Variants in ERBB4 observed in about 807,000 individuals in gnomAD.
ERBB4 encodes the protein receptor tyrosine-protein kinase erbB-4.
A neutral mutation model predicts 158.0 loss-of-function variants in ERBB4; 42 were observed. The observed-to-expected ratio is 0.27, with a 90% CI of 0.21 to 0.34. ERBB4 has a LOEUF of 0.34. Ranked by LOEUF, ERBB4 falls within the 10% of genes least tolerant of loss-of-function variation. The pLI, the probability that ERBB4 is intolerant of heterozygous loss-of-function variation, is 1.00. For synonymous variants in ERBB4, 583 were observed against 558.7 expected (o/e 1.04, Z -0.61); for missense variants, 1,333 against 1,624.1 (o/e 0.82, Z 3.08).
chr2:211,919,943 C>A (rs940338204), intron 3 of ERBB4, among the ~76,000 whole-genome samples: 1 of 151,986 alleles, frequency 6.6e-6, no homozygotes, highest in Non-Finnish European at 1.5e-5. Flanking sequence ...TAAACAACCA[C>A]TAATCTTTTT....
chr2:212,275,516 A>C lies in ERBB4; in HGVS notation c.83-150613T>G, dbSNP rs112892844. Among the ~76,000 whole-genome samples the C allele has an allele frequency of 5.1e-3, 773 of 152,004 alleles. 4 individuals are homozygous for C. Among genetic ancestry groups the C allele is most frequent in the Middle Eastern group, 0.017 (5 of 294 alleles). ...TGTGGTTTTGATTTGCATTTCTCTA[A>C]TGGCCAGTGATGATGAGCGTTTTTT... On this transcript the variant is annotated intron_variant, in intron 1 of 27. Transcript: ENST00000342788.
At chr2:212,381,899 CT>C (rs1348528623) in intron 1 of ERBB4, among the ~76,000 whole-genome samples, 5 of 151,150 alleles carry the variant, frequency 3.3e-5, no homozygotes, top group African/African-American at 9.7e-5. Flanking sequence ...TGACATCATT[CT>C]TTTTTTCCCC....
chr2:211,897,977 T>A (rs2079143343), intron 3 of ERBB4, among the ~76,000 whole-genome samples: 1 of 151,998 alleles, frequency 6.6e-6, no homozygotes, highest in South Asian at 2.1e-4. Flanking sequence ...TTGTTTACAC[T>A]GGTCTTGAAC....
chr2:211,690,159 TAACTC>T (rs962283813), intron 12 of ERBB4, among the ~76,000 whole-genome samples: 15 of 151,594 alleles, frequency 9.9e-5, no homozygotes, highest in African/African-American at 3.6e-4. Flanking sequence ...TGTTCTAACT[TAACTC>T]AGTTTCTTTC....
intron 2 of ERBB4, among the ~76,000 whole-genome samples, chr2:212,033,373 A>G (rs879921915): frequency 2.0e-5 from 3 of 151,952 alleles, no homozygotes; most frequent in Non-Finnish European, 4.4e-5. Context: ...TTTGTAATGC[A>G]GCTCAAGGCA....
chr2:212,173,801 C>A (rs2081586445), intron 1 of ERBB4, among the ~76,000 whole-genome samples: 1 of 152,108 alleles, frequency 6.6e-6, no homozygotes, highest in African/African-American at 2.4e-5. Flanking sequence ...GTCGTTTGCA[C>A]ATGGACAAGT....
chr2:211,575,534 C>G (rs2067863937), intron 19 of ERBB4, among the ~76,000 whole-genome samples: 1 of 152,128 alleles, frequency 6.6e-6, no homozygotes, highest in Non-Finnish European at 1.5e-5. Flanking sequence ...TCACTTAGAG[C>G]TTTACTGTTT....
Position 211,431,661 on chromosome 2 carries a change from C to G in ERBB4, c.2488-561G>C, listed in dbSNP as rs1046782391. ...AATCATGCACAGAATGAAGTATATA[C>G]CCTAGCAGTCTTACAAACCTGTAAT... On this transcript the variant is annotated intron_variant, in intron 20 of 27. Coordinates refer to ENST00000342788, the MANE Select transcript of ERBB4 (RefSeq NM_005235.3). 4.6e-5 allele frequency among the ~76,000 whole-genome samples: 7 copies of G among 152,144 alleles called. No individual in the cohort carries two copies. In the East Asian group the frequency reaches 1.4e-3, roughly 29 times the overall value.
At chr2:211,758,348 C>A (rs924179405) in intron 4 of ERBB4, among the ~76,000 whole-genome samples, 6 of 152,086 alleles carry the variant, frequency 3.9e-5, no homozygotes, top group Non-Finnish European at 8.8e-5. Context: ...GGTCTTAATG[C>A]TTTTTGGAAA....
Position 212,396,509 on chromosome 2 carries a change from C to T in ERBB4, c.82+141940G>A, listed in dbSNP as rs532534513. On this transcript the variant is annotated intron_variant, in intron 1 of 27. Coordinates refer to ENST00000342788, the MANE Select transcript of ERBB4 (RefSeq NM_005235.3). ...TCAAGATACCTATGATATAGAATTA[C>T]TGTGAGATTTAAGTTAATATAAAGT... Among the ~76,000 whole-genome samples, 30 of 152,206 alleles carry T rather than the reference C, an allele frequency of 2.0e-4. No individual in the cohort carries two copies. The South Asian group carries it at 6.2e-3, about 32-fold the overall frequency.
intron 1 of ERBB4, among the ~76,000 whole-genome samples, chr2:212,247,802 G>GAAAATACA (rs2084367785): frequency 6.6e-6 from 1 of 151,804 alleles, no homozygotes; most frequent in African/African-American, 2.4e-5. Flanking sequence ...CATCTCTGCT[G>GAAAATACA]AAAATACAAA....
At chr2:212,282,486 T>C (rs1574591958) in intron 1 of ERBB4, among the ~76,000 whole-genome samples, 1 of 152,104 alleles carries the variant, frequency 6.6e-6, no homozygotes, top group Admixed American at 6.6e-5. Flanking sequence ...TATTTGATTA[T>C]TCGACTTGTA....
chr2:211,906,200 T>C (rs755055731), intron 3 of ERBB4, among the ~76,000 whole-genome samples: 2 of 152,102 alleles, frequency 1.3e-5, no homozygotes, highest in Non-Finnish European at 2.9e-5. Flanking sequence ...GAAATAACCA[T>C]GATTGTACCA....
At chr2:211,709,274 T>C (rs9288439) in intron 9 of ERBB4, among the ~76,000 whole-genome samples, 49,888 of 136,358 alleles carry the variant, frequency 0.37, 10,368 homozygotes, top group Non-Finnish European at 0.48. Flanking sequence ...TATATATATA[T>C]ACATACATAT....
rs1416401152 is a variant in ERBB4, at chr2:211,661,814, C to T, written c.1871+3509G>A. 1.3e-4 allele frequency among the ~76,000 whole-genome samples: 19 copies of T among 151,134 alleles called. No homozygotes were observed. In the South Asian group the frequency reaches 3.6e-3, roughly 28 times the overall value. Reference sequence around the variant, plus strand: ...CAGCACTTTGGGAGGCCGAGGCGGGCGGATCACGAGGTCAGGAGATCGAGA... The same window carrying T: ...CAGCACTTTGGGAGGCCGAGGCGGGTGGATCACGAGGTCAGGAGATCGAGA... On this transcript the variant is annotated intron_variant, in intron 15 of 27. Coordinates refer to ENST00000342788, the MANE Select transcript of ERBB4 (RefSeq NM_005235.3).
intron 2 of ERBB4, among the ~76,000 whole-genome samples, chr2:211,963,473 A>G (rs2081236203): frequency 6.6e-6 from 1 of 152,172 alleles, no homozygotes; most frequent in African/African-American, 2.4e-5. Flanking sequence ...AAATATGTAT[A>G]CATTATGAGG....
chr2:211,379,228 T>TC lies in ERBB4; in HGVS notation c.*4386_*4387insG. 6.5e-6 allele frequency: 1 copy of TC among 153,572 alleles called. No individual in the cohort carries two copies. The highest frequency in any genetic ancestry group is 1.4e-5 in the Non-Finnish European group (1 of 73,586). 9.5% of individuals were successfully genotyped at this position (153,572 alleles called of 1,614,324 possible). ...TTTGCTAGCTAAATGACACCACTCC[T>TC]TTTTTTTTTTGTCTCTGCATAAGGT... On this transcript the variant is annotated 3_prime_UTR_variant, in exon 28 of 28. Transcript: ENST00000342788.
chr2:212,370,583 T>C (rs907563305), intron 1 of ERBB4, among the ~76,000 whole-genome samples: 1 of 152,294 alleles, frequency 6.6e-6, no homozygotes, highest in East Asian at 1.9e-4. Context: ...GGTGATAATT[T>C]TCATTAAAAT....
chr2:211,386,068 G>A (rs1338732637), intron 27 of ERBB4, among the ~76,000 whole-genome samples: 1 of 152,148 alleles, frequency 6.6e-6, no homozygotes, highest in African/African-American at 2.4e-5. Flanking sequence ...GTCTTAAAAT[G>A]TAGTTTACTG....
Sources: gnomAD v4.1 joint callset for allele counts (sites outside exome capture counted in the v4.1 genomes callset) on GRCh38, gnomAD v4.1.1 for gene constraint, MANE v1.5 for transcripts, NCBI Gene and HGNC (gene_info 2026-07-23, HGNC 2026-07-21) for gene names.